HAX1: variants seen among roughly 807,000 people sequenced by gnomAD.
HAX1 encodes the protein HCLS1 associated protein X-1, also known as HCLS1-associated protein X-1.
A neutral mutation model predicts 31.1 loss-of-function variants in HAX1; 27 were observed. The ratio of observed to expected loss-of-function variants is 0.87; its 90% CI spans 0.64 to 1.20. The LOEUF is 1.20. Ranked by LOEUF, HAX1 falls within the 50% of genes most tolerant of loss-of-function variation. HAX1 has a pLI of 0.00. For missense variants in HAX1, 357 were observed against 361.6 expected (o/e 0.99, Z 0.10); for synonymous variants, 114 against 124.1 (o/e 0.92, Z 0.54).
rs1425710429 is a variant in HAX1 at position 154,272,745 on chromosome 1, C to T, written c.22C>T (p.Arg8Trp). 1 of 1,614,164 alleles carries T rather than the reference C, an allele frequency of 6.2e-7. No homozygotes were observed. The highest frequency in any genetic ancestry group is 1.7e-5 in the Admixed American group (1 of 60,026). The change falls in exon 1 of 7, where the codon CGG (arginine) becomes TGG (tryptophan). Residue 8 changes from arginine to tryptophan, a missense_variant. Coordinates refer to ENST00000328703, the MANE Select transcript of HAX1 (RefSeq NM_006118.4). ...GGGAATGAGCCTCTTTGATCTCTTC[C>T]GGGGCTTTTTCGGCTTTCCTGGACC... MSLFDLFRGFFGFPGPRS... is the reference protein window; with the variant it reads MSLFDLFWGFFGFPGPRS...
chr1:154,273,460 G>C lies in HAX1; in HGVS notation c.178G>C (p.Glu60Gln), dbSNP rs745916402. The C allele has an allele frequency of 1.9e-6, 3 of 1,614,076 alleles. No homozygotes were observed. Among genetic ancestry groups the C allele is most frequent in the Non-Finnish European group, 2.5e-6 (3 of 1,180,048 alleles). ...RFHSPQHPPE[E>Q]FGFGFSFSPG... ...CCATAGTCCTCAGCACCCCCCTGAG[G>C]AATTTGGCTTCGGCTTCAGCTTCAG... The change falls in exon 2 of 7, where the codon GAA becomes CAA. Residue 60 changes from glutamate to glutamine, a missense_variant. Transcript: ENST00000328703.
Position 154,275,416 on chromosome 1 carries a change from G to C in HAX1, c.687G>C (p.Val229=). Residue 229 remains valine, a synonymous_variant, in exon 6 of 7, where the codon GTG becomes GTC. Transcript: ENST00000328703. The stretch of plus-strand genomic sequence containing the variant: ...AGATAGTGGAGGAGCGCCGGACTGT[G>C]GTGGACAGTGAGGGCCGGACAGAGA... ...PDGIVEERRT[V]VDSEGRTETT... The C allele has an allele frequency of 6.2e-7, 1 of 1,614,042 alleles. No individual in the cohort carries two copies. Among genetic ancestry groups the C allele is most frequent in the African/African-American group, 1.3e-5 (1 of 75,004 alleles).
At chr1:154,273,065 G>A (rs1684834397) in intron 1 of HAX1, 1 of 602,152 alleles carries the variant, frequency 1.7e-6, no homozygotes, top group African/African-American at 1.9e-5. Context: ...AGGACCTTGG[G>A]AGAGAGAGGA....
chr1:154,275,607 C>A lies in HAX1; in HGVS notation c.755-9C>A. On this transcript the variant is annotated splice_polypyrimidine_tract_variant and intron_variant, in intron 6 of 6. Transcript: ENST00000328703. ...TTAGCCTATTTACGTGTATGACTTT[C>A]TTCCTTAGATCCAGAATCACCAAGA... 1 of 1,610,586 alleles carries A rather than the reference C, an allele frequency of 6.2e-7. No individual in the cohort carries two copies. The highest frequency in any genetic ancestry group is 8.5e-7 in the Non-Finnish European group (1 of 1,176,764).
At chr1:154,275,536 C>A (rs1558252504) in intron 6 of HAX1, 53 bp downstream of exon 6, 5 of 1,578,482 alleles carry the variant, frequency 3.2e-6, no homozygotes, top group Non-Finnish European at 4.4e-6. Flanking sequence ...GAAGGGAAAT[C>A]TTACTCTTCT....
Position 154,275,416 on chromosome 1 carries a change from G to A in HAX1, c.687G>A (p.Val229=). ...AGATAGTGGAGGAGCGCCGGACTGT[G>A]GTGGACAGTGAGGGCCGGACAGAGA... ...PDGIVEERRT[V]VDSEGRTETT... is the part of the protein sequence containing the mutation. Residue 229 remains valine, a synonymous_variant, in exon 6 of 7, where the codon GTG becomes GTA. Coordinates refer to ENST00000328703, the MANE Select transcript of HAX1 (RefSeq NM_006118.4). 1.2e-6 allele frequency: 2 copies of A among 1,614,042 alleles called. No homozygotes were observed. Among genetic ancestry groups the A allele is most frequent in the Middle Eastern group, 1.6e-4 (1 of 6,062 alleles).
At chr1:154,275,133 T>G in intron 4 of HAX1, 21 bp from the exon 5 acceptor site, 1 of 1,551,080 alleles carries the variant, frequency 6.4e-7, no homozygotes, top group African/African-American at 1.4e-5. Context: ...CTCCTGCTTC[T>G]TCATCTCTCT....
At chr1:154,273,274 G>T in intron 1 of HAX1, 62 bp from the exon 2 acceptor site, 2 of 1,607,766 alleles carry the variant, frequency 1.2e-6, no homozygotes, top group East Asian at 2.2e-5. Flanking sequence ...TGCCACCCAT[G>T]AGTTGATTTA....
chr1:154,273,944 C>G lies in HAX1; in HGVS notation c.487C>G (p.Gln163Glu). 1 of 1,613,962 alleles carries G rather than the reference C, an allele frequency of 6.2e-7. No homozygotes were observed. The highest frequency in any genetic ancestry group is 8.5e-7 in the Non-Finnish European group (1 of 1,179,880). The change falls in exon 3 of 7, where the codon CAG (glutamine) becomes GAG (glutamate). Residue 163 changes from glutamine to glutamate, a missense_variant. Transcript: ENST00000328703. Reference sequence around the variant, plus strand: ...CCAACCAGCACCAGACTGGGGCTCCCAGAGGCCATTTCATAGGGTGAGTAT... The same window carrying G: ...CCAACCAGCACCAGACTGGGGCTCCGAGAGGCCATTTCATAGGGTGAGTAT... Reference protein sequence around the residue: ...SPQPAPDWGSQRPFHRFDDVW... With the variant: ...SPQPAPDWGSERPFHRFDDVW...
intron 6 of HAX1, 46 bp downstream of exon 6, chr1:154,275,529 G>T: frequency 6.3e-7 from 1 of 1,584,746 alleles, no homozygotes. Flanking sequence ...CCTTGGGGAA[G>T]GGAAATCTTA....
intron 1 of HAX1, chr1:154,273,056 G>C: frequency 1.7e-6 from 1 of 602,108 alleles, no homozygotes; most frequent in Non-Finnish European, 2.9e-6. Context: ...CAAGTGAGCA[G>C]GACCTTGGGA....
intron 2 of HAX1, 35 bp from the exon 3 acceptor site, chr1:154,273,739 T>C (rs756075374): frequency 2.5e-6 from 4 of 1,613,326 alleles, no homozygotes; most frequent in Non-Finnish European, 3.4e-6. Context: ...CCAAGTCCTT[T>C]CCCATCCCAG....
chr1:154,273,136 G>A (rs1329733007), intron 1 of HAX1, 200 bp from the exon 2 acceptor site: 4 of 614,000 alleles, frequency 6.5e-6, no homozygotes, highest in Non-Finnish European at 8.4e-6. Flanking sequence ...TGCGAGCTGA[G>A]GTCTGACTTT....
rs1380716130 is a variant in HAX1, at chr1:154,272,772, C to T, written c.49C>T (p.Arg17Trp). 2.5e-6 allele frequency: 4 copies of T among 1,613,946 alleles called. No individual in the cohort carries two copies. In the East Asian group the frequency reaches 6.7e-5, roughly 27 times the overall value. Residue 17 changes from arginine (R) to tryptophan (W), a missense_variant, in exon 1 of 7, where the codon CGG becomes TGG. By Grantham distance (101) the Arg-to-Trp change is moderately radical. Coordinates refer to ENST00000328703, the MANE Select transcript of HAX1 (RefSeq NM_006118.4). ...FRGFFGFPGP[R>W]SHRDPFFGGM... is the part of the protein sequence containing the mutation. Reference sequence around the variant, plus strand: ...GGGCTTTTTCGGCTTTCCTGGACCTCGGAGGTGAGAGTAGGTCCGGCTCGG... The same window carrying T: ...GGGCTTTTTCGGCTTTCCTGGACCTTGGAGGTGAGAGTAGGTCCGGCTCGG...
Position 154,274,872 on chromosome 1 carries a change from G to A in HAX1, c.505-78G>A, listed in dbSNP as rs1277763741. The A allele has an allele frequency of 7.1e-6, 7 of 989,102 alleles. 1 individual carries two copies. Among genetic ancestry groups the A allele is most frequent in the South Asian group, 6.5e-5 (5 of 76,954 alleles). 61.3% of individuals were successfully genotyped at this position (989,102 alleles called of 1,614,324 possible). A position where few individuals can be genotyped will look rare whatever the true frequency, so the allele number is the denominator to read the frequency against. ...TCTGTGGAAGGGGGTTTTGGAGCTC[G>A]GGAGTAGTTTGAGGTCTATGACCTT... On this transcript the variant is annotated intron_variant, in intron 3 of 6. Transcript: ENST00000328703.
chr1:154,273,722 A>G lies in HAX1; in HGVS notation c.317-52A>G, dbSNP rs758528569. On this transcript the variant is annotated intron_variant, in intron 2 of 6. Transcript: ENST00000328703. ...AAGACTGATGATTTCAGAGAGATTA[A>G]TAGAGCCCAAGTCCTTTCCCATCCC... is the stretch of plus-strand genomic sequence containing the variant. 47 of 1,608,784 alleles carry G rather than the reference A, an allele frequency of 2.9e-5. 2 individuals carry two copies. The South Asian group carries it at 5.1e-4, about 17-fold the overall frequency.
In HAX1 at chr1:154,275,614, A is replaced by G; in HGVS notation, c.755-2A>G. Reference sequence around the variant, plus strand: ...ATTTACGTGTATGACTTTCTTCCTTAGATCCAGAATCACCAAGACCTCCAG... The same window carrying G: ...ATTTACGTGTATGACTTTCTTCCTTGGATCCAGAATCACCAAGACCTCCAG... On this transcript the variant is annotated splice_acceptor_variant, in intron 6 of 6. Transcript: ENST00000328703. LOFTEE classifies it high-confidence loss of function. The G allele has an allele frequency of 6.2e-7, 1 of 1,612,024 alleles. No individual in the cohort carries two copies.
rs913719704 is a variant in HAX1 at position 154,272,756 on chromosome 1, C to T, written c.33C>T (p.Phe11=). Reference sequence around the variant, plus strand: ...TCTTTGATCTCTTCCGGGGCTTTTTCGGCTTTCCTGGACCTCGGAGGTGAG... The same window carrying T: ...TCTTTGATCTCTTCCGGGGCTTTTTTGGCTTTCCTGGACCTCGGAGGTGAG... MSLFDLFRGF[F]GFPGPRSHRD... Residue 11 remains phenylalanine (F), a synonymous_variant, in exon 1 of 7, where the codon TTC becomes TTT. Coordinates refer to ENST00000328703, the MANE Select transcript of HAX1 (RefSeq NM_006118.4). The T allele has an allele frequency of 1.9e-6, 3 of 1,614,184 alleles. No homozygotes were observed. The highest frequency in any genetic ancestry group is 2.5e-6 in the Non-Finnish European group (3 of 1,180,034).
intron 1 of HAX1, 122 bp downstream of exon 1, chr1:154,272,898 G>A (rs1684824563): frequency 5.8e-6 from 5 of 861,708 alleles, no homozygotes; most frequent in African/African-American, 5.0e-5. Context: ...GAGGACAGAA[G>A]TCGCAACATT....
Sources: gnomAD v4.1 joint callset for allele counts on GRCh38, gnomAD v4.1.1 for gene constraint, MANE v1.5 for transcripts, NCBI Gene and HGNC (gene_info 2026-07-23, HGNC 2026-07-21) for gene names.